PSG4: variants seen among roughly 807,000 people sequenced by gnomAD.
PSG4 encodes the protein pregnancy specific beta-1-glycoprotein 4, also known as pregnancy-specific beta-1-glycoprotein 4.
In PSG4, 61 loss-of-function variants were observed where a neutral mutation model predicts 44.3. That is an observed-to-expected ratio of 1.38 (90% confidence interval 1.12 to 1.70). PSG4 has a LOEUF of 1.70. PSG4 is among the 40% of genes most tolerant of loss of function. The pLI is 0.00. For missense variants in PSG4, 677 were observed against 511.7 expected, an observed-to-expected ratio of 1.32 and a Z score of -3.12; for synonymous variants, 248 against 191.3, an observed-to-expected ratio of 1.30 and a Z score of -2.45.
chr19:43,194,070 A>T, intron 5 of PSG4: 2 of 1,193,940 alleles, frequency 1.7e-6, no homozygotes, highest in East Asian at 2.6e-5. Flanking sequence ...TAAAAATCAT[A>T]AAAATATTAT....
At position 43,195,155 on chromosome 19, in the gene PSG4, A is replaced by C; in HGVS notation, c.828T>G (p.Asn276Lys). Residue 276 changes from asparagine to lysine, a missense_variant, in exon 4 of 6, where the codon AAT becomes AAG. Transcript: ENST00000405312. ...SKNYTYIWWL[N>K]GQSLPVSPRV... ...TGGGACTGACAGGGAGGCTCTGACC[A>C]TTTAGCCACCAAATGTAGGTGTAGT... The C allele has an allele frequency of 6.2e-7, 1 of 1,610,392 alleles. No individual in the cohort carries two copies. The highest frequency in any genetic ancestry group is 8.5e-7 in the Non-Finnish European group (1 of 1,179,010).
At chr19:43,204,820 G>T in intron 1 of PSG4, 1 of 358,348 alleles carries the variant, frequency 2.8e-6, no homozygotes, top group South Asian at 1.8e-5. Context: ...CCACCCTCTG[G>T]ATGTTTCTTT....
chr19:43,194,932 T>A, intron 4 of PSG4, 63 bp downstream of exon 4: 1 of 1,591,844 alleles, frequency 6.3e-7, no homozygotes. Context: ...CTGAGAGACC[T>A]GGCCTCTGGT....
At position 43,201,793 on chromosome 19, in the gene PSG4, G is replaced by C. The variant is rs186750409; in HGVS notation, c.430+2093C>G. Among the ~76,000 whole-genome samples, 12 of 140,400 alleles carry C rather than the reference G, an allele frequency of 8.5e-5. 2 individuals are homozygous for C. Among genetic ancestry groups the C allele is most frequent in the African/African-American group, 3.4e-4 (12 of 35,612 alleles). 92.1% of individuals were successfully genotyped at this position (140,400 alleles called of 152,430 possible). A position where few individuals can be genotyped will look rare whatever the true frequency, so the allele number is the denominator to read the frequency against. On this transcript the variant is annotated intron_variant, in intron 2 of 5. Coordinates refer to ENST00000405312, the MANE Select transcript of PSG4 (RefSeq NM_002780.5). ...ACTTGGAGTCGTTAAAATCTTTCTT[G>C]ACTAGAAACCAACATTTCAATAATT...
intron 5 of PSG4, chr19:43,193,646 T>G: frequency 1.8e-6 from 1 of 568,982 alleles, no homozygotes; most frequent in Non-Finnish European, 3.1e-6. Context: ...GCTCTAAGTT[T>G]TTATAAGGAC....
intron 3 of PSG4, chr19:43,196,350 G>A (rs1308049404): frequency 6.6e-6 from 1 of 151,676 alleles, no homozygotes; most frequent in African/African-American, 2.4e-5. Flanking sequence ...GTTCATGGGT[G>A]TGCAGTTTCA....
At chr19:43,193,797 C>A in intron 5 of PSG4, 1 of 538,534 alleles carries the variant, frequency 1.9e-6, no homozygotes, top group Non-Finnish European at 3.4e-6. Flanking sequence ...GGTAATATAA[C>A]CAATGATTTG....
intron 2 of PSG4, among the ~76,000 whole-genome samples, chr19:43,202,936 T>A (rs2122362793): frequency 6.9e-6 from 1 of 144,938 alleles, no homozygotes; most frequent in South Asian, 2.2e-4. Flanking sequence ...GTGACCCCGA[T>A]CTCCCCTTTG....
At chr19:43,199,066 A>G (rs1568386927) in intron 2 of PSG4, 1 of 146,470 alleles carries the variant, frequency 6.8e-6, no homozygotes, top group South Asian at 2.1e-4. Flanking sequence ...CTTTCTAGAA[A>G]TACATGTGGA....
chr19:43,198,179 G>T lies in PSG4; in HGVS notation c.527C>A (p.Ala176Glu). Residue 176 changes from alanine (A) to glutamate (E), a missense_variant, in exon 3 of 6, where the codon GCA becomes GAA. Physicochemically the swap from Ala to Glu is moderately radical, Grantham distance 107 (BLOSUM62 -1). Coordinates refer to ENST00000405312, the MANE Select transcript of PSG4 (RefSeq NM_002780.5). The stretch of plus-strand genomic sequence containing the variant: ...ACCATTCATCCACCACTGGTAGCTT[G>T]CGGCTGGAGTCGCAGGATCACAGGT... The part of the protein sequence containing the change: ...ILTCDPATPA[A>E]SYQWWMNGQS... 1 of 1,587,860 alleles carries T rather than the reference G, an allele frequency of 6.3e-7. No individual in the cohort carries two copies. Among genetic ancestry groups the T allele is most frequent in the Non-Finnish European group, 8.5e-7 (1 of 1,171,906 alleles).
In PSG4 at chr19:43,194,135, G is replaced by A. The variant is rs571196307; in HGVS notation, c.1243+205C>T. 182 of 1,427,618 alleles carry A rather than the reference G, an allele frequency of 1.3e-4. 4 individuals carry two copies. The South Asian group carries it at 2.3e-3, about 18-fold the overall frequency. The allele number at this position is 1,427,618 out of a possible 1,614,324, so 88.4% of individuals were successfully genotyped here. On this transcript the variant is annotated intron_variant, in intron 5 of 5. Transcript: ENST00000405312. ...TCAATGTTTCTCCTGCTTGGTCTAG[G>A]CTGGGAATTTTAAGAAGATATCAGC... is the stretch of plus-strand genomic sequence containing the variant.
chr19:43,200,278 C>T (rs1264114451), intron 2 of PSG4, among the ~76,000 whole-genome samples: 1 of 144,834 alleles, frequency 6.9e-6, no homozygotes, highest in Admixed American at 6.8e-5. Flanking sequence ...GGCAGTAAAA[C>T]CATCAGATAG....
At chr19:43,202,385 G>C (rs1456252234) in intron 2 of PSG4, among the ~76,000 whole-genome samples, 1 of 144,510 alleles carries the variant, frequency 6.9e-6, no homozygotes, top group Non-Finnish European at 1.5e-5. Flanking sequence ...TGGCTTTAGG[G>C]GCAAGAGGTA....
intron 1 of PSG4, chr19:43,204,891 C>T (rs149912307): frequency 0.015 from 5,803 of 382,930 alleles, 809 homozygotes; most frequent in African/African-American, 0.065. Context: ...CTTATATTTT[C>T]ATTTGAAGTG....
Position 43,193,161 on chromosome 19 carries a change from A to G in PSG4, c.*211T>C, listed in dbSNP as rs1276460498. On this transcript the variant is annotated 3_prime_UTR_variant, in exon 6 of 6. Coordinates refer to ENST00000405312, the MANE Select transcript of PSG4 (RefSeq NM_002780.5). ...AACTGTCCACAGTGTGAAGTCATCA[A>G]CTTGTTATCCTGGTTTACAGTTTGA... is the stretch of plus-strand genomic sequence containing the variant. 2 of 718,108 alleles carry G rather than the reference A, an allele frequency of 2.8e-6. No homozygotes were observed. The allele number at this position is 718,108 out of a possible 1,614,324, so 44.5% of individuals were successfully genotyped here.
rs1458493773 is a variant in PSG4, at chr19:43,202,098, A to C, written c.430+1788T>G. On this transcript the variant is annotated intron_variant, in intron 2 of 5. Transcript: ENST00000405312. The stretch of plus-strand genomic sequence containing the variant: ...AGGCCACAGTGTTAGCGGGAAAGGA[A>C]CTGAACAGCCAGACTAGTCAGAGGG... Among the ~76,000 whole-genome samples the C allele has an allele frequency of 1.4e-5, 2 of 145,608 alleles. 1 individual carries two copies. The highest frequency in any genetic ancestry group is 3.0e-5 in the Non-Finnish European group (2 of 67,010).
intron 4 of PSG4, 114 bp from the exon 5 acceptor site, chr19:43,194,708 C>G (rs1967159078): frequency 6.7e-6 from 10 of 1,485,480 alleles, no homozygotes; most frequent in Middle Eastern, 4.6e-4. Flanking sequence ...CAAGTCCCAG[C>G]CAAACTCCCT....
At position 43,204,075 on chromosome 19, in the gene PSG4, A is replaced by T. The variant is rs145609612; in HGVS notation, c.241T>A (p.Ser81Thr). ...QMTYLYHYIT[S>T]YVVDGQRIIY... ...ATTCTTTGACCGTCTACTACATATG[A>T]TGTAATGTAATGGTAGAGGTATGTC... The change falls in exon 2 of 6, where the codon TCA becomes ACA. Residue 81 changes from serine (S) to threonine (T), a missense_variant. By Grantham distance (58) the Ser-to-Thr change is moderately conservative (BLOSUM62 1). Transcript: ENST00000405312. The T allele has an allele frequency of 1.3e-6, 2 of 1,585,872 alleles. 1 individual carries two copies. Among genetic ancestry groups the T allele is most frequent in the African/African-American group, 2.9e-5 (2 of 69,408 alleles).
In PSG4 at chr19:43,201,068, G is replaced by A. The variant is rs953401784; in HGVS notation, c.431-2793C>T. Among the ~76,000 whole-genome samples, 36 of 145,510 alleles carry A rather than the reference G, an allele frequency of 2.5e-4. 2 individuals carry two copies. Among genetic ancestry groups the A allele is most frequent in the Non-Finnish European group, 3.7e-4 (25 of 67,156 alleles). On this transcript the variant is annotated intron_variant, in intron 2 of 5. Coordinates refer to ENST00000405312, the MANE Select transcript of PSG4 (RefSeq NM_002780.5). ...AGTCCATGTGCTTTGGGGACTGCAGGCCTGTCCAGCCTCTGACACCCTGGT... is the reference window on the plus strand; with the variant it reads ...AGTCCATGTGCTTTGGGGACTGCAGACCTGTCCAGCCTCTGACACCCTGGT...
Sources: gnomAD v4.1 joint callset for allele counts (sites outside exome capture counted in the v4.1 genomes callset) on GRCh38, gnomAD v4.1.1 for gene constraint, MANE v1.5 for transcripts, NCBI Gene and HGNC (gene_info 2026-07-23, HGNC 2026-07-21) for gene names.